Variants in MPPED2 observed in about 807,000 individuals in gnomAD.
MPPED2 encodes metallophosphoesterase domain containing 2.
A neutral mutation model predicts 33.0 loss-of-function variants in MPPED2; 5 were observed. That is an observed-to-expected ratio of 0.15 (90% CI 0.08 to 0.32). The LOEUF is 0.32. Among genes scored for constraint, MPPED2 ranks in the 10% least tolerant of loss-of-function variants. The pLI, the probability that MPPED2 is intolerant of heterozygous loss-of-function variation, is 1.00. For missense variants in MPPED2, 275 were observed against 372.1 expected, an observed-to-expected ratio of 0.74 and a Z score of 2.15; for synonymous variants, 136 against 141.9, an observed-to-expected ratio of 0.96 and a Z score of 0.29.
At chr11:30,516,187 C>G (rs1953523950) in intron 3 of MPPED2, among the ~76,000 whole-genome samples, 1 of 152,118 alleles carries the variant, frequency 6.6e-6, no homozygotes, top group South Asian at 2.1e-4. Flanking sequence ...GTGATGAATT[C>G]TCTCTGCCAC....
chr11:30,464,276 C>A (rs1164210130), intron 4 of MPPED2, among the ~76,000 whole-genome samples: 1 of 150,518 alleles, frequency 6.6e-6, no homozygotes, highest in African/African-American at 2.4e-5. Flanking sequence ...CTAACACACA[C>A]ACACACACAC....
At position 30,508,182 on chromosome 11, in the gene MPPED2, G is replaced by A. The variant is rs191416589; in HGVS notation, c.311-12661C>T. ...CAGGTAATCGGAACACAGTTGGAGA[G>A]CATACTCTGTCTGCTGAACGTTGTT... is the stretch of plus-strand genomic sequence containing the variant. On this transcript the variant is annotated intron_variant, in intron 3 of 6. Coordinates refer to ENST00000358117, the MANE Select transcript of MPPED2 (RefSeq NM_001584.3). 4.4e-3 allele frequency among the ~76,000 whole-genome samples: 672 copies of A among 152,236 alleles called. 2 individuals are homozygous for A. Among genetic ancestry groups the A allele is most frequent in the Middle Eastern group, 0.014 (4 of 294 alleles).
chr11:30,506,014 G>T (rs1164859460), intron 3 of MPPED2, among the ~76,000 whole-genome samples: 1 of 152,006 alleles, frequency 6.6e-6, no homozygotes, highest in Non-Finnish European at 1.5e-5. Context: ...GCCACATAAA[G>T]GATGATAATT....
chr11:30,484,333 C>A (rs1204772815), intron 4 of MPPED2, among the ~76,000 whole-genome samples: 2 of 152,074 alleles, frequency 1.3e-5, no homozygotes, highest in Non-Finnish European at 2.9e-5. Context: ...TCTTTTCTTG[C>A]TACAAATTTT....
chr11:30,478,823 T>C (rs906685265), intron 4 of MPPED2, among the ~76,000 whole-genome samples: 5 of 151,998 alleles, frequency 3.3e-5, no homozygotes, highest in African/African-American at 9.7e-5. Context: ...TTAAATAACG[T>C]TGTCGTTTTG....
chr11:30,504,913 C>T (rs187172290), intron 3 of MPPED2: 54 of 760,504 alleles, frequency 7.1e-5, no homozygotes, highest in Admixed American at 4.9e-4. Flanking sequence ...GCAGGGGATG[C>T]GGAGTGAAAG....
intron 4 of MPPED2, among the ~76,000 whole-genome samples, chr11:30,435,464 A>G (rs1210919790): frequency 5.3e-5 from 8 of 152,240 alleles, no homozygotes; most frequent in Non-Finnish European, 1.0e-4. Context: ...ACTCGATCAC[A>G]GTGGCTATAC....
chr11:30,544,042 C>A (rs1386635527), intron 2 of MPPED2, among the ~76,000 whole-genome samples: 2 of 151,992 alleles, frequency 1.3e-5, no homozygotes, highest in African/African-American at 2.4e-5. Context: ...TCTATTTTTT[C>A]CTCTTACAAA....
At chr11:30,429,018 G>A (rs1190352851) in intron 4 of MPPED2, 1 of 151,988 alleles carries the variant, frequency 6.6e-6, no homozygotes, top group Non-Finnish European at 1.5e-5. Context: ...ACAAAGCAAT[G>A]GAAGATGACA....
At chr11:30,516,566 A>G (rs1953544853) in intron 3 of MPPED2, among the ~76,000 whole-genome samples, 1 of 152,114 alleles carries the variant, frequency 6.6e-6, no homozygotes, top group Non-Finnish European at 1.5e-5. Context: ...CAATAAAGAA[A>G]ATAAAGACAG....
At chr11:30,576,141 C>T (rs1486907035) in intron 2 of MPPED2, among the ~76,000 whole-genome samples, 2 of 152,130 alleles carry the variant, frequency 1.3e-5, no homozygotes, top group African/African-American at 4.8e-5. Context: ...CCTCCACAGC[C>T]TTTTGAGATA....
chr11:30,394,243 G>C (rs1470000083), intron 6 of MPPED2, among the ~76,000 whole-genome samples: 1 of 152,194 alleles, frequency 6.6e-6, no homozygotes, highest in Non-Finnish European at 1.5e-5. Flanking sequence ...TTTGTATGCA[G>C]GTTTTTGAGT....
At chr11:30,535,575 T>TA (rs1954765929) in intron 3 of MPPED2, among the ~76,000 whole-genome samples, 1 of 152,186 alleles carries the variant, frequency 6.6e-6, no homozygotes. Context: ...AGGACTTTTA[T>TA]AACCCCTTCA....
intron 2 of MPPED2, among the ~76,000 whole-genome samples, chr11:30,540,233 G>A (rs1275022873): frequency 6.6e-6 from 1 of 152,140 alleles, no homozygotes; most frequent in African/African-American, 2.4e-5. Context: ...ATCAAGTACA[G>A]CATCTGACAC....
intron 3 of MPPED2, among the ~76,000 whole-genome samples, chr11:30,511,214 T>G (rs1953167703): frequency 6.6e-6 from 1 of 152,198 alleles, no homozygotes; most frequent in Non-Finnish European, 1.5e-5. Context: ...GACCACAGTC[T>G]TTCTACAACC....
chr11:30,430,717 G>A (rs765593623), intron 4 of MPPED2, among the ~76,000 whole-genome samples: 2 of 152,146 alleles, frequency 1.3e-5, no homozygotes, highest in African/African-American at 2.4e-5. Flanking sequence ...AAAAAGAATG[G>A]TTAAAAAATT....
chr11:30,437,991 T>C (rs1949397592), intron 4 of MPPED2, among the ~76,000 whole-genome samples: 1 of 152,170 alleles, frequency 6.6e-6, no homozygotes, highest in South Asian at 2.1e-4. Flanking sequence ...CATATCTTCC[T>C]GGGCCTCAGT....
At chr11:30,547,471 T>A (rs1419882491) in intron 2 of MPPED2, among the ~76,000 whole-genome samples, 2 of 152,218 alleles carry the variant, frequency 1.3e-5, no homozygotes, top group African/African-American at 4.8e-5. Context: ...TATGGCTATG[T>A]GTGTGTGATA....
At chr11:30,510,422 A>G (rs1010528179) in intron 3 of MPPED2, among the ~76,000 whole-genome samples, 26 of 152,200 alleles carry the variant, frequency 1.7e-4, no homozygotes, top group African/African-American at 6.0e-4. Flanking sequence ...TATTTTCATC[A>G]ATAACTAAGG....
Sources: allele counts gnomAD v4.1 joint callset (sites outside exome capture counted in the v4.1 genomes callset), GRCh38; gene constraint gnomAD v4.1.1; transcripts MANE v1.5; gene names NCBI Gene and HGNC (gene_info 2026-07-23, HGNC 2026-07-21).